The following MACROD2 variants were observed in gnomAD, a reference collection of about 807,000 sequenced individuals.
The protein encoded by MACROD2 is mono-ADP ribosylhydrolase 2, also known as ADP-ribose glycohydrolase MACROD2.
In MACROD2, 36 loss-of-function variants were observed where a neutral mutation model predicts 70.4. The ratio of observed to expected loss-of-function variants is 0.51; its 90% CI spans 0.39 to 0.68. MACROD2 has a LOEUF of 0.68. Among genes scored for constraint, MACROD2 ranks in the 30% least tolerant of loss-of-function variants. The pLI, the probability that MACROD2 is intolerant of heterozygous loss-of-function variation, is 0.00. For synonymous variants in MACROD2, 172 were observed against 178.8 expected, an observed-to-expected ratio of 0.96 and a Z score of 0.30; for missense variants, 496 against 538.4, an observed-to-expected ratio of 0.92 and a Z score of 0.78.
chr20:15,359,384 T>C (rs527624142), intron 6 of MACROD2, among the ~76,000 whole-genome samples: 5 of 152,130 alleles, frequency 3.3e-5, no homozygotes, highest in African/African-American at 9.6e-5. Flanking sequence ...GAATCAATTA[T>C]ATTAAATAAT....
rs543146035 is a variant in MACROD2, at chr20:14,520,944, C to T, written c.301+27436C>T. On this transcript the variant is annotated intron_variant, in intron 4 of 17. Coordinates refer to ENST00000684519, the MANE Select transcript of MACROD2 (RefSeq NM_001351661.2). ...ACACAGATACACACACAGACATGCA[C>T]GCGTGCGTGCGCGCACACACACACA... Among the ~76,000 whole-genome samples, 10 of 110,226 alleles carry T rather than the reference C, an allele frequency of 9.1e-5. No homozygotes were observed. In the South Asian group the frequency reaches 1.6e-3, roughly 17 times the overall value. The allele number at this position is 110,226 out of a possible 152,430, so 72.3% of individuals were successfully genotyped here. A position where few individuals can be genotyped will look rare whatever the true frequency, so the allele number is the denominator to read the frequency against.
chr20:15,145,015 G>A (rs467252), intron 5 of MACROD2, among the ~76,000 whole-genome samples: 89,006 of 151,382 alleles, frequency 0.59, 26,245 homozygotes, highest in East Asian at 0.65. Flanking sequence ...CCTGGCAACT[G>A]TTTGCCTTAC....
At chr20:15,842,386 T>G (rs2064180837) in intron 8 of MACROD2, among the ~76,000 whole-genome samples, 1 of 151,922 alleles carries the variant, frequency 6.6e-6, no homozygotes. Context: ...ACAGAGGTTC[T>G]TAGTGGCTCT....
At chr20:15,513,796 T>C (rs1005491328) in intron 8 of MACROD2, among the ~76,000 whole-genome samples, 1 of 152,200 alleles carries the variant, frequency 6.6e-6, no homozygotes, top group South Asian at 2.1e-4. Context: ...TTGAGCTTGG[T>C]CTTTCACTAA....
chr20:14,996,614 A>G (rs534397049), intron 5 of MACROD2, among the ~76,000 whole-genome samples: 1 of 152,316 alleles, frequency 6.6e-6, no homozygotes, highest in South Asian at 2.1e-4. Flanking sequence ...AGGGTAGGAA[A>G]GACAGCCAAC....
At chr20:14,697,865 A>G (rs1600554199) in intron 5 of MACROD2, among the ~76,000 whole-genome samples, 1 of 152,298 alleles carries the variant, frequency 6.6e-6, no homozygotes, top group East Asian at 1.9e-4. Context: ...GGCAACTGAC[A>G]CCAGTTTCTA....
intron 5 of MACROD2, among the ~76,000 whole-genome samples, chr20:14,794,381 T>G (rs111387040): frequency 7.9e-5 from 12 of 152,300 alleles, no homozygotes; most frequent in African/African-American, 2.9e-4. Context: ...CATGTAATTC[T>G]GTTGGTATCA....
At chr20:14,062,484 T>C (rs1192054620) in intron 2 of MACROD2, among the ~76,000 whole-genome samples, 1 of 152,166 alleles carries the variant, frequency 6.6e-6, no homozygotes, top group Non-Finnish European at 1.5e-5. Context: ...AATAGGAGTT[T>C]CTCAAGGGGA....
At chr20:15,503,154 A>C (rs1281470034) in intron 8 of MACROD2, among the ~76,000 whole-genome samples, 1 of 152,210 alleles carries the variant, frequency 6.6e-6, no homozygotes, top group African/African-American at 2.4e-5. Context: ...AAAGAGAAGA[A>C]TCAAGGATGA....
chr20:15,356,735 G>A (rs953084139), intron 6 of MACROD2, among the ~76,000 whole-genome samples: 6 of 152,144 alleles, frequency 3.9e-5, no homozygotes, highest in African/African-American at 1.2e-4. Context: ...AGTGAGCTGC[G>A]ACTGCACCAC....
intron 4 of MACROD2, among the ~76,000 whole-genome samples, chr20:14,526,945 T>C (rs1297295253): frequency 6.6e-6 from 1 of 152,252 alleles, no homozygotes; most frequent in Non-Finnish European, 1.5e-5. Context: ...GCTTTCTGTA[T>C]CCTGGGACTC....
At chr20:15,578,486 G>A (rs759254683) in intron 8 of MACROD2, among the ~76,000 whole-genome samples, 5 of 73,126 alleles carry the variant, frequency 6.8e-5, no homozygotes, top group Non-Finnish European at 8.3e-5. Context: ...CATAGTGCCT[G>A]GCAAGAGCTC....
At chr20:14,669,733 G>A (rs8123519) in intron 4 of MACROD2, among the ~76,000 whole-genome samples, 2,237 of 151,986 alleles carry the variant, frequency 0.015, 55 homozygotes, top group African/African-American at 0.051. Flanking sequence ...CTATTAAGTT[G>A]GTTCGTTTCT....
At chr20:14,924,949 T>G (rs1419745045) in intron 5 of MACROD2, among the ~76,000 whole-genome samples, 1 of 152,192 alleles carries the variant, frequency 6.6e-6, no homozygotes, top group African/African-American at 2.4e-5. Flanking sequence ...TTGCCTTGCC[T>G]CCTTAGGTTC....
At chr20:14,774,333 A>G (rs1037837617) in intron 5 of MACROD2, among the ~76,000 whole-genome samples, 5 of 152,064 alleles carry the variant, frequency 3.3e-5, no homozygotes, top group African/African-American at 7.2e-5. Context: ...ATACTCCCTA[A>G]CAGTCTGCTA....
intron 6 of MACROD2, among the ~76,000 whole-genome samples, chr20:15,258,265 G>A (rs988100670): frequency 6.6e-6 from 1 of 151,954 alleles, no homozygotes; most frequent in Non-Finnish European, 1.5e-5. Flanking sequence ...TAGCCTAAGT[G>A]TACAGTGTTT....
At chr20:14,166,954 C>A (rs2055277552) in intron 3 of MACROD2, among the ~76,000 whole-genome samples, 1 of 152,206 alleles carries the variant, frequency 6.6e-6, no homozygotes, top group African/African-American at 2.4e-5. Flanking sequence ...TAGTTAATAT[C>A]TAAACTCATT....
At chr20:14,458,028 G>A (rs1192168523) in intron 3 of MACROD2, among the ~76,000 whole-genome samples, 4 of 151,826 alleles carry the variant, frequency 2.6e-5, no homozygotes, top group Non-Finnish European at 4.4e-5. Context: ...TTGAACCCAG[G>A]AGGCAGAGTT....
chr20:15,489,317 G>C (rs2047199272), intron 7 of MACROD2, among the ~76,000 whole-genome samples: 1 of 152,120 alleles, frequency 6.6e-6, no homozygotes, highest in African/African-American at 2.4e-5. Flanking sequence ...GGCCCTGCTA[G>C]GGACATCAGT....
Sources: allele counts gnomAD v4.1 joint callset (sites outside exome capture counted in the v4.1 genomes callset), GRCh38; gene constraint gnomAD v4.1.1; transcripts MANE v1.5; gene names NCBI Gene and HGNC (gene_info 2026-07-23, HGNC 2026-07-21).